The following CELF2 variants were observed in gnomAD, a reference collection of about 807,000 sequenced individuals.
CELF2 encodes the protein CUGBP Elav-like family member 2.
CELF2 carries 8 observed loss-of-function variants against 62.6 expected under a neutral mutation model. The observed-to-expected ratio is 0.13, with a 90% CI of 0.07 to 0.23. The LOEUF (loss-of-function observed/expected upper bound fraction) is 0.23. Ranked by LOEUF, CELF2 falls within the 10% of genes least tolerant of loss-of-function variation. CELF2 has a pLI of 1.00. For synonymous variants in CELF2, 258 were observed against 250.0 expected (o/e 1.03, Z -0.30); for missense variants, 333 against 671.0 (o/e 0.50, Z 5.56).
intron 1 of CELF2, among the ~76,000 whole-genome samples, chr10:11,025,239 G>GTGTGTGTATATATATA (rs61580670): frequency 4.6e-4 from 65 of 141,088 alleles, no homozygotes; most frequent in Middle Eastern, 3.5e-3. Context: ...GTGTGTGTGT[G>GTGTGTGTATATATATA]TATATGTATG....
At chr10:11,103,487 ATTTTTT>A (rs3054364) in intron 1 of CELF2, among the ~76,000 whole-genome samples, 2 of 119,754 alleles carry the variant, frequency 1.7e-5, no homozygotes, top group African/African-American at 7.0e-5. Context: ...TTGTAGCCTG[ATTTTTT>A]TTTTTTTTTT....
rs939161721 is a variant in CELF2, at chr10:10,813,773, G to T, written c.53+14956G>T. Among the ~76,000 whole-genome samples, 3 of 152,172 alleles carry T rather than the reference G, an allele frequency of 2.0e-5. No homozygotes were observed. In the East Asian group the frequency reaches 5.8e-4, roughly 29 times the overall value. On this transcript the variant is annotated intron_variant, in intron 1 of 13. Coordinates refer to the CELF2 transcript ENST00000636488. ...AAAACTTACAGTTTTACAAAAACAGGTGTTGGGCTGGATTTGGGCCATGGG... is the reference window on the plus strand; with the variant it reads ...AAAACTTACAGTTTTACAAAAACAGTTGTTGGGCTGGATTTGGGCCATGGG...
the CELF2 span, among the ~76,000 whole-genome samples, chr10:10,478,990 C>A: frequency 2.0e-5 from 3 of 152,058 alleles, no homozygotes; most frequent in Non-Finnish European, 4.4e-5. Flanking sequence ...TGTGCCCATC[C>A]CCACTCTTCT....
chr10:10,787,499 C>T, the CELF2 span, among the ~76,000 whole-genome samples: 1 of 152,150 alleles, frequency 6.6e-6, no homozygotes, highest in African/African-American at 2.4e-5. Context: ...TCATAAAACG[C>T]AAACTTTATA....
chr10:10,737,248 C>A, the CELF2 span, among the ~76,000 whole-genome samples: 1 of 152,106 alleles, frequency 6.6e-6, no homozygotes, highest in Admixed American at 6.6e-5. Flanking sequence ...TCTCTTTAAT[C>A]CTTATTTTTG....
intron 9 of CELF2, among the ~76,000 whole-genome samples, chr10:11,308,043 T>C (rs555700887): frequency 6.6e-6 from 1 of 152,372 alleles, no homozygotes; most frequent in Non-Finnish European, 1.5e-5. Flanking sequence ...TTTTGCTAGA[T>C]ATAAGATTCT....
intron 5 of CELF2, among the ~76,000 whole-genome samples, chr10:11,259,078 G>A (rs771043749): frequency 1.3e-4 from 20 of 152,280 alleles, no homozygotes; most frequent in Non-Finnish European, 2.4e-4. Flanking sequence ...AATTTCTTTG[G>A]GGCAAATGAG....
chr10:10,959,032 G>A (rs370728544), intron 2 of CELF2, among the ~76,000 whole-genome samples: 39 of 152,198 alleles, frequency 2.6e-4, no homozygotes, highest in African/African-American at 8.4e-4. Flanking sequence ...CGAGGTAGGC[G>A]GATCTTTTGA....
chr10:10,764,673 C>A, the CELF2 span, among the ~76,000 whole-genome samples: 2 of 152,182 alleles, frequency 1.3e-5, no homozygotes, highest in Non-Finnish European at 2.9e-5. Flanking sequence ...TTTCCCATTC[C>A]TTCTAATGCC....
At chr10:11,083,656 A>G (rs540944148) in intron 1 of CELF2, among the ~76,000 whole-genome samples, 82 of 152,272 alleles carry the variant, frequency 5.4e-4, no homozygotes, top group Middle Eastern at 3.4e-3. Context: ...TGATGCATGT[A>G]GTTACTCTCT....
rs1373902935 is a variant in CELF2, at chr10:11,207,482, C to T, written c.272-9943C>T. ...AGGGACCCCAGTGAGATCATTGTTC[C>T]CTCCCGGGCTGAAAAGGTGGCTCAG... is the stretch of plus-strand genomic sequence containing the variant. On this transcript the variant is annotated intron_variant, in intron 2 of 12. Coordinates refer to ENST00000633077, the MANE Select transcript of CELF2 (RefSeq NM_001326342.2). This position sits in a 1 kb window ranked among gnomAD's most constrained non-coding sequence, Gnocchi z 4.1. 3.3e-5 allele frequency among the ~76,000 whole-genome samples: 5 copies of T among 152,164 alleles called. No individual in the cohort carries two copies. Among genetic ancestry groups the T allele is most frequent in the African/African-American group, 1.2e-4 (5 of 41,420 alleles).
At chr10:10,925,906 A>G (rs775213640) in intron 2 of CELF2, among the ~76,000 whole-genome samples, 5 of 152,138 alleles carry the variant, frequency 3.3e-5, no homozygotes, top group Non-Finnish European at 7.4e-5. Context: ...ACAGCTGCAG[A>G]TGGTGAGGTG....
At chr10:10,594,295 C>T in the CELF2 span, among the ~76,000 whole-genome samples, 8 of 152,100 alleles carry the variant, frequency 5.3e-5, no homozygotes, top group South Asian at 2.1e-4. Flanking sequence ...CAGGAGGAAA[C>T]GCTCATTTAG....
chr10:10,531,995 G>A, the CELF2 span, among the ~76,000 whole-genome samples: 4 of 152,184 alleles, frequency 2.6e-5, no homozygotes, highest in African/African-American at 7.2e-5. Context: ...GGATTGACTG[G>A]GTGCTCAGAC....
chr10:11,112,438 TAC>T (rs1438198035), intron 1 of CELF2, among the ~76,000 whole-genome samples: 1 of 152,232 alleles, frequency 6.6e-6, no homozygotes, highest in Non-Finnish European at 1.5e-5. Flanking sequence ...GACGTATATG[TAC>T]ACACATACAC....
chr10:10,554,633 C>T, the CELF2 span, among the ~76,000 whole-genome samples: 1 of 152,152 alleles, frequency 6.6e-6, no homozygotes, highest in Admixed American at 6.5e-5. Context: ...GGCTGATGGT[C>T]CCAGGTGCAT....
chr10:10,667,686 C>T, the CELF2 span, among the ~76,000 whole-genome samples: 2 of 152,168 alleles, frequency 1.3e-5, no homozygotes, highest in South Asian at 2.1e-4. Context: ...GCAAAGGTGC[C>T]TCTCTGCGCA....
intron 9 of CELF2, among the ~76,000 whole-genome samples, chr10:11,291,167 T>C (rs1350027423): frequency 2.0e-5 from 3 of 152,216 alleles, no homozygotes; most frequent in African/African-American, 7.2e-5. Context: ...ATCCCATCTC[T>C]CCTCCACAGG....
intron 2 of CELF2, among the ~76,000 whole-genome samples, chr10:11,176,164 CG>C (rs1565101775): frequency 6.6e-6 from 1 of 152,120 alleles, no homozygotes; most frequent in Non-Finnish European, 1.5e-5. Context: ...GTTACATGCC[CG>C]TATCTCCTCT....
Sources: gnomAD v4.1 joint callset for allele counts (sites outside exome capture counted in the v4.1 genomes callset) on GRCh38, gnomAD v4.1.1 for gene constraint, Gnocchi (gnomAD v3.1) non-coding constraint, MANE v1.5 for transcripts, NCBI Gene and HGNC (gene_info 2026-07-23, HGNC 2026-07-21) for gene names.